Variants in OXSR1 observed in about 807,000 individuals in gnomAD.
OXSR1 encodes oxidative stress responsive kinase 1.
OXSR1 carries 24 observed loss-of-function variants against 79.8 expected under a neutral mutation model. The ratio of observed to expected loss-of-function variants is 0.30; its 90% CI spans 0.22 to 0.42. OXSR1 has a LOEUF of 0.42. Among genes scored for constraint, OXSR1 ranks in the 10% least tolerant of loss-of-function variants. OXSR1 has a pLI of 1.00. For synonymous variants in OXSR1, 226 were observed against 209.2 expected, an observed-to-expected ratio of 1.08 and a Z score of -0.69; for missense variants, 430 against 618.4, an observed-to-expected ratio of 0.70 and a Z score of 3.23.
At chr3:38,208,640 C>T (rs1184862436) in intron 4 of OXSR1, among the ~76,000 whole-genome samples, 5 of 152,154 alleles carry the variant, frequency 3.3e-5, no homozygotes, top group East Asian at 1.9e-4. Context: ...CAGTGGCTCA[C>T]GCCTGTAATC....
chr3:38,247,833 C>T, intron 14 of OXSR1, 101 bp downstream of exon 14: 1 of 674,600 alleles, frequency 1.5e-6, no homozygotes, highest in South Asian at 2.0e-5. Flanking sequence ...ATTGTATGTC[C>T]TCCAGCATCA....
rs1399323218 is a variant in OXSR1 at position 38,253,746 on chromosome 3, C to CT, written c.*856dup. 1 of 159,822 alleles carries CT rather than the reference C, an allele frequency of 6.3e-6. No homozygotes were observed. Among genetic ancestry groups the CT allele is most frequent in the East Asian group, 1.8e-4 (1 of 5,630 alleles). The allele number at this position is 159,822 out of a possible 1,614,324, so 9.9% of individuals were successfully genotyped here. On this transcript the variant is annotated 3_prime_UTR_variant, in exon 18 of 18. Coordinates refer to ENST00000311806, the MANE Select transcript of OXSR1 (RefSeq NM_005109.3). ...TTTCAAATATCAAATTGAAGAAAAA[C>CT]TCAATCCTCCCATGAAAATCAGTTC...
At chr3:38,209,869 G>A (rs868713699) in intron 4 of OXSR1, among the ~76,000 whole-genome samples, 41 of 152,162 alleles carry the variant, frequency 2.7e-4, no homozygotes, top group African/African-American at 7.9e-4. Flanking sequence ...TGATCCACCC[G>A]CCTCAGCCTC....
chr3:38,167,651 C>T (rs1701493606), intron 1 of OXSR1, among the ~76,000 whole-genome samples: 2 of 152,186 alleles, frequency 1.3e-5, no homozygotes, highest in Non-Finnish European at 2.9e-5. Context: ...CAAAACAACT[C>T]GGACTAAATA....
intron 7 of OXSR1, among the ~76,000 whole-genome samples, chr3:38,224,219 C>G (rs1436397744): frequency 3.9e-5 from 6 of 152,216 alleles, no homozygotes; most frequent in Admixed American, 6.5e-5. Context: ...ATGATTTTGA[C>G]TACTCTCAAT....
chr3:38,174,310 G>A (rs1337093031), intron 1 of OXSR1, among the ~76,000 whole-genome samples: 1 of 152,046 alleles, frequency 6.6e-6, no homozygotes, highest in Non-Finnish European at 1.5e-5. Flanking sequence ...CAGGCTGGGC[G>A]AGGTGCCTCA....
At chr3:38,228,378 A>G (rs1702734123) in intron 8 of OXSR1, among the ~76,000 whole-genome samples, 1 of 152,204 alleles carries the variant, frequency 6.6e-6, no homozygotes, top group African/African-American at 2.4e-5. Context: ...AATAAGAGTG[A>G]TAATGTAGGA....
intron 1 of OXSR1, among the ~76,000 whole-genome samples, chr3:38,171,779 T>C (rs574371107): frequency 6.6e-6 from 1 of 152,350 alleles, no homozygotes; most frequent in African/African-American, 2.4e-5. Context: ...CAATTAATCA[T>C]TGATCTTTCA....
At chr3:38,193,633 A>T (rs1371258634) in intron 3 of OXSR1, among the ~76,000 whole-genome samples, 7 of 147,600 alleles carry the variant, frequency 4.7e-5, no homozygotes, top group African/African-American at 1.5e-4. Flanking sequence ...TTTTTTTTTA[A>T]GAATTCCTGT....
intron 12 of OXSR1, among the ~76,000 whole-genome samples, chr3:38,244,056 T>C (rs374220630): frequency 7.9e-5 from 12 of 152,348 alleles, no homozygotes; most frequent in Non-Finnish European, 1.3e-4. Flanking sequence ...AATAAACAAC[T>C]GTTGTTTTAA....
intron 1 of OXSR1, among the ~76,000 whole-genome samples, chr3:38,170,778 G>A (rs758519651): frequency 7.2e-5 from 11 of 152,004 alleles, no homozygotes; most frequent in Non-Finnish European, 1.5e-5. Flanking sequence ...CAGATTAAGG[G>A]AATGATCTCC....
Position 38,183,901 on chromosome 3 carries a change from A to C in OXSR1, c.183+786A>C, listed in dbSNP as rs531708086. 5.3e-5 allele frequency among the ~76,000 whole-genome samples: 8 copies of C among 152,314 alleles called. No individual in the cohort carries two copies. The East Asian group carries it at 1.3e-3, about 26-fold the overall frequency. On this transcript the variant is annotated intron_variant, in intron 2 of 17. Coordinates refer to ENST00000311806, the MANE Select transcript of OXSR1 (RefSeq NM_005109.3). Reference sequence around the variant, plus strand: ...TTTAAAATTACTTATTATTGTTTCAAAATTTTCAGTTTCTTTGGCTTAATG... The same window carrying C: ...TTTAAAATTACTTATTATTGTTTCACAATTTTCAGTTTCTTTGGCTTAATG...
At chr3:38,177,130 A>G (rs1289913641) in intron 1 of OXSR1, among the ~76,000 whole-genome samples, 1 of 152,240 alleles carries the variant, frequency 6.6e-6, no homozygotes, top group African/African-American at 2.4e-5. Context: ...GACCAAAGGT[A>G]CCTTGCAGAG....
At chr3:38,240,599 A>G (rs148473395) in intron 11 of OXSR1, among the ~76,000 whole-genome samples, 2 of 152,258 alleles carry the variant, frequency 1.3e-5, no homozygotes, top group East Asian at 3.9e-4. Context: ...ACTAAAGGGA[A>G]GCAGAGCTCC....
intron 1 of OXSR1, among the ~76,000 whole-genome samples, chr3:38,168,546 C>T (rs1022439699): frequency 1.3e-5 from 2 of 152,098 alleles, no homozygotes; most frequent in African/African-American, 4.8e-5. Context: ...TAAGATTTAC[C>T]TGATTAAAAT....
Position 38,246,153 on chromosome 3 carries a change from G to A in OXSR1, c.1189G>A (p.Gly397Arg). The change falls in exon 13 of 18, where the codon GGG becomes AGG. Residue 397 changes from glycine to arginine, a missense_variant. Gly to Arg is a moderately radical substitution (Grantham distance 125, BLOSUM62 -2). Around this residue, in one of 3 missense-constraint regions of OXSR1, gnomAD observed 276 missense variants for 354.2 expected, o/e 0.78. Coordinates refer to ENST00000311806, the MANE Select transcript of OXSR1 (RefSeq NM_005109.3). ...CTCTGCTCATCTACCTCAGCCAGCT[G>A]GGCAGATTGCTACACAGCCAACTCA... The part of the protein sequence containing the change: ...QISAHLPQPA[G>R]QIATQPTQVS... 1 of 1,613,716 alleles carries A rather than the reference G, an allele frequency of 6.2e-7. No individual in the cohort carries two copies. Among genetic ancestry groups the A allele is most frequent in the Non-Finnish European group, 8.5e-7 (1 of 1,179,726 alleles).
In OXSR1 at chr3:38,229,877, A is replaced by G. The variant is rs551485439; in HGVS notation, c.885+142A>G. 123 of 663,526 alleles carry G rather than the reference A, an allele frequency of 1.9e-4. No homozygotes were observed. The East Asian group carries it at 3.4e-3, about 18-fold the overall frequency. The allele number at this position is 663,526 out of a possible 1,614,324, so 41.1% of individuals were successfully genotyped here. A position where few individuals can be genotyped will look rare whatever the true frequency, so the allele number is the denominator to read the frequency against. ...TAATTGCAGAAAGCACTATGTATAC[A>G]GTCTTTGATAATTAAGATAATTGCT... On this transcript the variant is annotated intron_variant, in intron 9 of 17. Coordinates refer to ENST00000311806, the MANE Select transcript of OXSR1 (RefSeq NM_005109.3).
chr3:38,201,538 CT>C (rs1702164232), intron 4 of OXSR1, among the ~76,000 whole-genome samples: 1 of 151,990 alleles, frequency 6.6e-6, no homozygotes, highest in African/African-American at 2.4e-5. Flanking sequence ...GTGAAACCCC[CT>C]CTCTACTAAA....
chr3:38,180,496 C>T (rs894653211), intron 1 of OXSR1, among the ~76,000 whole-genome samples: 39 of 149,422 alleles, frequency 2.6e-4, no homozygotes, highest in African/African-American at 8.8e-4. Context: ...TCCGTATTTG[C>T]TCCCTGGCTC....
Sources: allele counts gnomAD v4.1 joint callset (sites outside exome capture counted in the v4.1 genomes callset), GRCh38; gene constraint gnomAD v4.1.1; regional missense constraint gnomAD v4.1.1; transcripts MANE v1.5; gene names NCBI Gene and HGNC (gene_info 2026-07-23, HGNC 2026-07-21).